SPTBN1: variants seen among roughly 807,000 people sequenced by gnomAD.
The protein encoded by SPTBN1 is spectrin beta chain, non-erythrocytic 1.
In SPTBN1, 32 loss-of-function variants were observed where a neutral mutation model predicts 266.4. The observed-to-expected ratio is 0.12, with a 90% CI of 0.09 to 0.16. The LOEUF (loss-of-function observed/expected upper bound fraction) is 0.16. SPTBN1 is among the 10% of genes least tolerant of loss of function. The pLI, the probability that SPTBN1 is intolerant of heterozygous loss-of-function variation, is 1.00. For missense variants in SPTBN1, 2,296 were observed against 3,067.1 expected (o/e 0.75, Z 5.94); for synonymous variants, 1,336 against 1,162.2 (o/e 1.15, Z -3.04).
chr2:54,615,755 G>A (rs565996750), intron 4 of SPTBN1, among the ~76,000 whole-genome samples: 55 of 152,294 alleles, frequency 3.6e-4, no homozygotes, highest in African/African-American at 1.3e-3. Context: ...GAAGCACAGC[G>A]TTTAAGCCCA....
chr2:54,648,771 A>C (rs1680079138), intron 24 of SPTBN1, among the ~76,000 whole-genome samples: 1 of 152,174 alleles, frequency 6.6e-6, no homozygotes, highest in African/African-American at 2.4e-5. Flanking sequence ...TGTAGTTTAC[A>C]TATTGGCTCT....
intron 2 of SPTBN1, among the ~76,000 whole-genome samples, chr2:54,595,893 G>T (rs1210401122): frequency 6.6e-6 from 1 of 152,190 alleles, no homozygotes; most frequent in Non-Finnish European, 1.5e-5. Flanking sequence ...AACACTGTAT[G>T]TAGACATTGC....
intron 2 of SPTBN1, among the ~76,000 whole-genome samples, chr2:54,559,503 A>G (rs1673131896): frequency 6.6e-6 from 1 of 152,206 alleles, no homozygotes; most frequent in African/African-American, 2.4e-5. Context: ...AGTTGGATCA[A>G]TTACAGGTTT....
intron 16 of SPTBN1, 62 bp from the exon 17 acceptor site, chr2:54,632,504 A>T: frequency 2.0e-6 from 3 of 1,515,270 alleles, no homozygotes; most frequent in Non-Finnish European, 2.7e-6. Context: ...ACGGAAATGT[A>T]GAACACAGGA....
In SPTBN1 at chr2:54,668,486, A is replaced by G. The variant is rs575609904; in HGVS notation, c.7012A>G (p.Ser2338Gly). Residue 2338 changes from serine (S) to glycine (G), a missense_variant, in exon 36 of 36, where the codon AGC becomes GGC. Transcript: ENST00000356805. ...CCCCACCAGCGTCGTCACCATCACCAGCGAGTCCAGTCCCGGCAAGCGGGA... is the reference window on the plus strand; with the variant it reads ...CCCCACCAGCGTCGTCACCATCACCGGCGAGTCCAGTCCCGGCAAGCGGGA... Reference protein sequence around the residue: ...TLPTSVVTITSESSPGKREKD... With the variant: ...TLPTSVVTITGESSPGKREKD... 3.1e-6 allele frequency: 5 copies of G among 1,614,212 alleles called. No individual in the cohort carries two copies. The South Asian group carries it at 5.5e-5, about 18-fold the overall frequency.
In SPTBN1 at chr2:54,649,838, A is replaced by C; in HGVS notation, c.5426A>C (p.Lys1809Thr). Residue 1809 changes from lysine to threonine, a missense_variant, in exon 26 of 36, where the codon AAG becomes ACG. Coordinates refer to ENST00000356805, the MANE Select transcript of SPTBN1 (RefSeq NM_003128.3). The surrounding 1 kb of genome is among the most constrained non-coding windows in gnomAD (Gnocchi z 6.7). ...CTTGCCGCTTCCTATGAACTGCACA[A>C]GTTTTACCACGATGCCAAGGAGATC... ...QILAASYELHKFYHDAKEIFG... is the reference protein window; with the variant it reads ...QILAASYELHTFYHDAKEIFG... The C allele has an allele frequency of 6.2e-7, 1 of 1,614,224 alleles. No homozygotes were observed. Among genetic ancestry groups the C allele is most frequent in the Non-Finnish European group, 8.5e-7 (1 of 1,180,034 alleles).
At chr2:54,655,699 A>G (rs1423802202) in intron 28 of SPTBN1, among the ~76,000 whole-genome samples, 1 of 152,224 alleles carries the variant, frequency 6.6e-6, no homozygotes, top group East Asian at 1.9e-4. Flanking sequence ...CAGCTTTGGC[A>G]GGGCTTCCGC....
intron 1 of SPTBN1, among the ~76,000 whole-genome samples, chr2:54,462,156 C>T (rs935580197): frequency 3.9e-5 from 6 of 152,188 alleles, no homozygotes; most frequent in African/African-American, 1.2e-4. Flanking sequence ...AGTTATGATA[C>T]AGCAGTGTAC....
chr2:54,617,720 G>A (rs533022025), intron 6 of SPTBN1, 32 bp downstream of exon 6: 25 of 1,604,086 alleles, frequency 1.6e-5, no homozygotes, highest in Admixed American at 5.0e-5. Flanking sequence ...TAGCAATCGT[G>A]GGGTAAAAGG....
chr2:54,661,936 A>G, intron 32 of SPTBN1: 1 of 985,398 alleles, frequency 1.0e-6, no homozygotes, highest in South Asian at 4.7e-5. Flanking sequence ...AATTTTAATT[A>G]CAATTGGCTT....
At chr2:54,507,065 AG>A (rs1335434045) in intron 1 of SPTBN1, among the ~76,000 whole-genome samples, 7 of 152,080 alleles carry the variant, frequency 4.6e-5, no homozygotes, top group African/African-American at 1.4e-4. Flanking sequence ...GATCTCACAA[AG>A]TACATTCTCA....
chr2:54,494,036 A>G (rs1668832399), intron 1 of SPTBN1, among the ~76,000 whole-genome samples: 1 of 152,242 alleles, frequency 6.6e-6, no homozygotes, highest in African/African-American at 2.4e-5. Context: ...CACTGTAGAG[A>G]GTACAGAGAA....
At chr2:54,512,069 C>T (rs549509672) in intron 1 of SPTBN1, among the ~76,000 whole-genome samples, 3 of 152,170 alleles carry the variant, frequency 2.0e-5, no homozygotes, top group South Asian at 4.2e-4. Flanking sequence ...GTTTGCGCTC[C>T]TATGAGGCTG....
intron 1 of SPTBN1, among the ~76,000 whole-genome samples, chr2:54,471,590 C>T (rs540172545): frequency 5.7e-4 from 87 of 151,612 alleles, no homozygotes; most frequent in African/African-American, 1.7e-3. Context: ...ATAAGTGGGA[C>T]GTGATTCCAG....
chr2:54,545,444 T>A (rs1456264098), intron 2 of SPTBN1: 2 of 152,134 alleles, frequency 1.3e-5, no homozygotes, highest in African/African-American at 4.8e-5. Context: ...TAAGGAAGGA[T>A]GAAGTTAAAT....
rs540840663 is a variant in SPTBN1 at position 54,566,320 on chromosome 2, T to C, written c.149-32772T>C. On this transcript the variant is annotated intron_variant, in intron 2 of 35. Transcript: ENST00000356805. ...CTCTTGCCTCAGCCTCCCGAGTAGC[T>C]GGGATTATAGGCGCCCACCACCACG... Among the ~76,000 whole-genome samples, 79 of 151,676 alleles carry C rather than the reference T, an allele frequency of 5.2e-4. 1 individual carries two copies. The highest frequency in any genetic ancestry group is 1.8e-3 in the African/African-American group (75 of 41,358).
At chr2:54,543,781 C>T (rs907234547) in intron 2 of SPTBN1, among the ~76,000 whole-genome samples, 1 of 151,942 alleles carries the variant, frequency 6.6e-6, no homozygotes, top group African/African-American at 2.4e-5. Flanking sequence ...ATTGGTCCCC[C>T]CTCCCACCCC....
intron 2 of SPTBN1, among the ~76,000 whole-genome samples, chr2:54,597,815 T>A (rs1304807397): frequency 6.6e-6 from 1 of 151,682 alleles, no homozygotes. Context: ...TTTTTAGTTG[T>A]TACCCCCACC....
intron 18 of SPTBN1, among the ~76,000 whole-genome samples, chr2:54,638,948 G>C (rs1679345535): frequency 1.3e-5 from 2 of 152,208 alleles, no homozygotes; most frequent in African/African-American, 4.8e-5. Flanking sequence ...TTAAACTGCT[G>C]TCTTACTGTA....
Sources: gnomAD v4.1 joint callset for allele counts (sites outside exome capture counted in the v4.1 genomes callset) on GRCh38, gnomAD v4.1.1 for gene constraint, Gnocchi (gnomAD v3.1) non-coding constraint, MANE v1.5 for transcripts, NCBI Gene and HGNC (gene_info 2026-07-23, HGNC 2026-07-21) for gene names.